CPNE3: variants seen among roughly 807,000 people sequenced by gnomAD.
CPNE3 encodes the protein copine-3.
In CPNE3, 68 loss-of-function variants were observed where a neutral mutation model predicts 63.9. The ratio of observed to expected loss-of-function variants is 1.06; its 90% CI spans 0.87 to 1.30. The LOEUF (loss-of-function observed/expected upper bound fraction) is 1.30, where lower values mean the gene tolerates loss of function less well. Among genes scored for constraint, CPNE3 ranks in the 50% most tolerant of loss-of-function variants. The pLI is 0.00. For missense variants in CPNE3, 665 were observed against 578.1 expected (o/e 1.15, Z -1.54); for synonymous variants, 219 against 197.5 (o/e 1.11, Z -0.91).
chr8:86,528,932 C>A lies in CPNE3; in HGVS notation c.133-13C>A. The stretch of plus-strand genomic sequence containing the variant: ...ATCTGAAGAAACTTTTTTGTTTTTG[C>A]GGATGGGTGTAGGTTGAGCGCACAG... On this transcript the variant is annotated splice_polypyrimidine_tract_variant and intron_variant, in intron 3 of 16. Coordinates refer to ENST00000517490, the MANE Select transcript of CPNE3 (RefSeq NM_003909.5). 1 of 1,585,384 alleles carries A rather than the reference C, an allele frequency of 6.3e-7. No homozygotes were observed. The highest frequency in any genetic ancestry group is 8.6e-7 in the Non-Finnish European group (1 of 1,168,824).
intron 15 of CPNE3, 61 bp downstream of exon 15, chr8:86,555,045 T>G: frequency 6.3e-7 from 1 of 1,597,954 alleles, no homozygotes; most frequent in Non-Finnish European, 8.5e-7. Flanking sequence ...CCTGGTGCCA[T>G]TTTTCTATGT....
At chr8:86,519,669 C>T (rs1235859797) in intron 2 of CPNE3, among the ~76,000 whole-genome samples, 1 of 152,156 alleles carries the variant, frequency 6.6e-6, no homozygotes, top group African/African-American at 2.4e-5. Flanking sequence ...GCAAAGGTAC[C>T]TAACTAGTGG....
intron 2 of CPNE3, among the ~76,000 whole-genome samples, chr8:86,521,087 T>C (rs1332072958): frequency 6.6e-6 from 1 of 152,180 alleles, no homozygotes; most frequent in Admixed American, 6.5e-5. Context: ...TTAAATTCTT[T>C]TAATGTGAGT....
intron 14 of CPNE3, among the ~76,000 whole-genome samples, chr8:86,553,669 C>CT (rs1470437953): frequency 2.0e-5 from 3 of 151,770 alleles, no homozygotes. Context: ...TGACACATGA[C>CT]TGTATATGCT....
intron 16 of CPNE3, among the ~76,000 whole-genome samples, chr8:86,556,775 AT>A (rs1472976492): frequency 6.6e-6 from 1 of 152,158 alleles, no homozygotes; most frequent in African/African-American, 2.4e-5. Context: ...CATCATAAGG[AT>A]CCCCCTGGTT....
chr8:86,526,546 T>G (rs1157121103), intron 2 of CPNE3, among the ~76,000 whole-genome samples: 1 of 151,928 alleles, frequency 6.6e-6, no homozygotes, highest in Non-Finnish European at 1.5e-5. Flanking sequence ...GGGGTCTCAC[T>G]CTGTCACCCA....
At chr8:86,526,215 A>C (rs961426247) in intron 2 of CPNE3, among the ~76,000 whole-genome samples, 2 of 151,942 alleles carry the variant, frequency 1.3e-5, no homozygotes, top group Non-Finnish European at 2.9e-5. Flanking sequence ...ACGACAGAGC[A>C]AGACTCCGTC....
rs763210202 is a variant in CPNE3 at position 86,547,759 on chromosome 8, C to A, written c.868C>A (p.Leu290Met). The change falls in exon 11 of 17, where the codon CTG (leucine) becomes ATG (methionine). Residue 290 changes from leucine to methionine, a missense_variant. Transcript: ENST00000517490. ...FLDYIMGGCQLNFTVGVDFTG... is the reference protein window; with the variant it reads ...FLDYIMGGCQMNFTVGVDFTG... ...TGACTATATAATGGGAGGATGTCAGCTGAATTTTACTGTAAGTAACACACT... is the reference window on the plus strand; with the variant it reads ...TGACTATATAATGGGAGGATGTCAGATGAATTTTACTGTAAGTAACACACT... 1 of 1,320,310 alleles carries A rather than the reference C, an allele frequency of 7.6e-7. No individual in the cohort carries two copies. The highest frequency in any genetic ancestry group is 1.1e-6 in the Non-Finnish European group (1 of 916,468). The allele number at this position is 1,320,310 out of a possible 1,614,324, so 81.8% of individuals were successfully genotyped here.
rs1366905128 is a variant in CPNE3, at chr8:86,548,557, C to A, written c.1013+123C>A. On this transcript the variant is annotated intron_variant, in intron 12 of 16. Transcript: ENST00000517490. ...TTGATGATGCTTTCTCCCTAAAATC[C>A]CCCCGTCTTATCTTCTATTTTTCTC... The A allele has an allele frequency of 4.1e-6, 5 of 1,216,848 alleles. No individual in the cohort carries two copies. In the African/African-American group the frequency reaches 7.6e-5, roughly 19 times the overall value. 75.4% of individuals were successfully genotyped at this position (1,216,848 alleles called of 1,614,324 possible).
intron 2 of CPNE3, 78 bp from the exon 3 acceptor site, chr8:86,528,458 C>A: frequency 6.6e-7 from 1 of 1,518,564 alleles, no homozygotes; most frequent in Admixed American, 1.9e-5. Flanking sequence ...CTTAAGAAGT[C>A]ACCTGTTTTT....
At position 86,531,097 on chromosome 8, in the gene CPNE3, A is replaced by T. The variant is rs1820672811; in HGVS notation, c.313-58A>T. Reference sequence around the variant, plus strand: ...CAGTCTTTTTTGCTGAAACTATTTCATTTAAAAATTCTTAGGTTGAAGGGA... The same window carrying T: ...CAGTCTTTTTTGCTGAAACTATTTCTTTTAAAAATTCTTAGGTTGAAGGGA... On this transcript the variant is annotated intron_variant, in intron 4 of 16. Transcript: ENST00000517490. 1.6e-5 allele frequency: 13 copies of T among 826,742 alleles called. No individual in the cohort carries two copies. In the South Asian group the frequency reaches 1.6e-4, roughly 10 times the overall value. The allele number at this position is 826,742 out of a possible 1,614,324, so 51.2% of individuals were successfully genotyped here.
At chr8:86,533,024 T>TTATCTATCTATCTATC (rs56759618) in intron 6 of CPNE3, among the ~76,000 whole-genome samples, 104 of 145,612 alleles carry the variant, frequency 7.1e-4, no homozygotes, top group East Asian at 1.0e-3. Context: ...TTTATCTATC[T>TTATCTATCTATCTATC]TATCTATCTA....
intron 2 of CPNE3, among the ~76,000 whole-genome samples, chr8:86,517,881 G>A (rs1820350137): frequency 6.6e-6 from 1 of 152,168 alleles, no homozygotes; most frequent in African/African-American, 2.4e-5. Context: ...AGTGTTGAAT[G>A]AATTAATAGT....
chr8:86,549,641 G>A (rs1821129280), intron 12 of CPNE3, among the ~76,000 whole-genome samples: 1 of 152,190 alleles, frequency 6.6e-6, no homozygotes, highest in South Asian at 2.1e-4. Context: ...CAAAAACAAA[G>A]TGGCTTTGAC....
At chr8:86,557,807 G>A (rs969546130) in intron 16 of CPNE3, among the ~76,000 whole-genome samples, 4 of 152,166 alleles carry the variant, frequency 2.6e-5, no homozygotes, top group Admixed American at 6.5e-5. Context: ...ATCAGAGTAA[G>A]TTCTGTGAAC....
Position 86,536,029 on chromosome 8 carries a change from A to C in CPNE3, c.460-1534A>C, listed in dbSNP as rs200863046. On this transcript the variant is annotated intron_variant, in intron 6 of 16. Transcript: ENST00000517490. ...TTTGATTTAATTTTGTTTTATAATCACGTAAAAAATTTACATGGCTCTAAA... is the reference window on the plus strand; with the variant it reads ...TTTGATTTAATTTTGTTTTATAATCCCGTAAAAAATTTACATGGCTCTAAA... 1.1e-4 allele frequency among the ~76,000 whole-genome samples: 16 copies of C among 152,188 alleles called. No homozygotes were observed. The East Asian group carries it at 3.1e-3, about 29-fold the overall frequency.
In CPNE3 at chr8:86,560,799, A is replaced by G. The variant is rs1821424331; in HGVS notation, c.*2389A>G. The G allele has an allele frequency of 6.6e-6, 1 of 152,216 alleles. No individual in the cohort carries two copies. Among genetic ancestry groups the G allele is most frequent in the Non-Finnish European group, 1.5e-5 (1 of 68,022 alleles). 9.4% of individuals were successfully genotyped at this position (152,216 alleles called of 1,614,324 possible). ...TGATTTAATATTGTTTTACATTAAA[A>G]TAGTCCTTTTCCCTGTTGTGCCACC... On this transcript the variant is annotated 3_prime_UTR_variant, in exon 17 of 17. Coordinates refer to ENST00000517490, the MANE Select transcript of CPNE3 (RefSeq NM_003909.5).
At chr8:86,544,954 A>G (rs1821016024) in intron 9 of CPNE3, 116 bp downstream of exon 9, 1 of 485,988 alleles carries the variant, frequency 2.1e-6, no homozygotes, top group Non-Finnish European at 3.6e-6. Flanking sequence ...TCTATATTGC[A>G]TAATGCTCCG....
chr8:86,518,033 T>C (rs1002248464), intron 2 of CPNE3, among the ~76,000 whole-genome samples: 3 of 152,186 alleles, frequency 2.0e-5, no homozygotes, highest in Admixed American at 2.0e-4. Flanking sequence ...TTGCCCAATA[T>C]ACAAACTTTT....
Sources: allele counts gnomAD v4.1 joint callset (sites outside exome capture counted in the v4.1 genomes callset), GRCh38; gene constraint gnomAD v4.1.1; transcripts MANE v1.5; gene names NCBI Gene and HGNC (gene_info 2026-07-23, HGNC 2026-07-21).